Variants in TAFA4 observed in about 807,000 individuals in gnomAD.
TAFA4 encodes TAFA chemokine like family member 4.
A neutral mutation model predicts 21.1 loss-of-function variants in TAFA4; 20 were observed. The observed-to-expected ratio is 0.95, with a 90% CI of 0.67 to 1.38. TAFA4 has a LOEUF of 1.38. Ranked by LOEUF, TAFA4 falls within the 40% of genes most tolerant of loss-of-function variation. The pLI is 0.00. For synonymous variants in TAFA4, 71 were observed against 67.4 expected (o/e 1.05, Z -0.26); for missense variants, 211 against 180.9 (o/e 1.17, Z -0.95).
At chr3:68,770,348 G>A (rs1702930099) in intron 3 of TAFA4, among the ~76,000 whole-genome samples, 1 of 152,230 alleles carries the variant, frequency 6.6e-6, no homozygotes, top group Non-Finnish European at 1.5e-5. Context: ...ACAGGTTGAT[G>A]ATAGCATGTT....
chr3:68,866,283 T>C (rs762090221), intron 3 of TAFA4, among the ~76,000 whole-genome samples: 4 of 152,002 alleles, frequency 2.6e-5, no homozygotes, highest in African/African-American at 4.8e-5. Context: ...GATATTCCCA[T>C]TGGGACCCAC....
chr3:68,911,931 C>A (rs578004795), intron 1 of TAFA4, among the ~76,000 whole-genome samples: 1 of 152,186 alleles, frequency 6.6e-6, no homozygotes, highest in Non-Finnish European at 1.5e-5. Flanking sequence ...TTTCAATTCT[C>A]CACACCTCAC....
At chr3:68,778,759 T>G (rs573097204) in intron 3 of TAFA4, among the ~76,000 whole-genome samples, 61 of 152,346 alleles carry the variant, frequency 4.0e-4, no homozygotes, top group Admixed American at 9.1e-4. Flanking sequence ...TTGAACCTCT[T>G]TCTTTTATAA....
intron 3 of TAFA4, among the ~76,000 whole-genome samples, chr3:68,870,131 T>C (rs139292224): frequency 6.6e-6 from 1 of 151,970 alleles, no homozygotes; most frequent in East Asian, 1.9e-4. Flanking sequence ...TACCTAGAAA[T>C]AAATTAAACC....
chr3:68,893,717 T>C (rs1260931047), intron 1 of TAFA4, among the ~76,000 whole-genome samples: 1 of 152,326 alleles, frequency 6.6e-6, no homozygotes, highest in Non-Finnish European at 1.5e-5. Flanking sequence ...ACAAAGCCCG[T>C]CGCAGACAAT....
chr3:68,853,787 CTG>C (rs1705002769), intron 3 of TAFA4, among the ~76,000 whole-genome samples: 1 of 152,154 alleles, frequency 6.6e-6, no homozygotes, highest in Non-Finnish European at 1.5e-5. Flanking sequence ...CACTTACTAT[CTG>C]TGTGACTTTT....
intron 4 of TAFA4, among the ~76,000 whole-genome samples, chr3:68,740,197 G>A (rs1702324373): frequency 6.6e-6 from 1 of 152,184 alleles, no homozygotes; most frequent in African/African-American, 2.4e-5. Context: ...ACGTGTGAAA[G>A]TCTTTGCTGA....
At chr3:68,739,810 A>G (rs543918190) in intron 4 of TAFA4, among the ~76,000 whole-genome samples, 14 of 152,224 alleles carry the variant, frequency 9.2e-5, no homozygotes, top group Non-Finnish European at 2.1e-4. Context: ...CTTATAAATG[A>G]GAGCTGAATA....
At chr3:68,886,698 A>G (rs1269614660) in intron 1 of TAFA4, among the ~76,000 whole-genome samples, 1 of 152,234 alleles carries the variant, frequency 6.6e-6, no homozygotes, top group African/African-American at 2.4e-5. Context: ...TAGGCTGAGC[A>G]GTAACTCATT....
At chr3:68,826,202 C>T (rs1036871026) in intron 3 of TAFA4, among the ~76,000 whole-genome samples, 2 of 152,208 alleles carry the variant, frequency 1.3e-5, no homozygotes, top group African/African-American at 4.8e-5. Context: ...ATTTGAGAAG[C>T]CACCTCTGCC....
chr3:68,921,177 A>G (rs1447652456), intron 1 of TAFA4, among the ~76,000 whole-genome samples: 1 of 152,096 alleles, frequency 6.6e-6, no homozygotes, highest in Non-Finnish European at 1.5e-5. Flanking sequence ...GCAAGAGGGG[A>G]TCACAGTTCC....
intron 4 of TAFA4, among the ~76,000 whole-genome samples, chr3:68,749,170 A>G (rs531090710): frequency 1.3e-5 from 2 of 152,330 alleles, no homozygotes; most frequent in Admixed American, 6.5e-5. Context: ...TCGTAAGTTA[A>G]TTATGATAAA....
At chr3:68,911,395 C>T (rs2089960420) in intron 1 of TAFA4, among the ~76,000 whole-genome samples, 1 of 152,198 alleles carries the variant, frequency 6.6e-6, no homozygotes, top group Non-Finnish European at 1.5e-5. Flanking sequence ...GGAAAAGACA[C>T]TAACAAAGAC....
At chr3:68,782,775 T>C (rs553239319) in intron 3 of TAFA4, among the ~76,000 whole-genome samples, 1 of 152,296 alleles carries the variant, frequency 6.6e-6, no homozygotes, top group East Asian at 1.9e-4. Context: ...GTTTAAAGCA[T>C]ATGAGATTTC....
chr3:68,864,849 GC>G (rs369479172), intron 3 of TAFA4, among the ~76,000 whole-genome samples: 23,325 of 151,940 alleles, frequency 0.15, 2,729 homozygotes, highest in African/African-American at 0.33. Context: ...GAACAATTAT[GC>G]AGAAAGAAAC....
chr3:68,764,420 T>C (rs953955520), intron 3 of TAFA4, among the ~76,000 whole-genome samples: 3 of 152,162 alleles, frequency 2.0e-5, no homozygotes, highest in Non-Finnish European at 4.4e-5. Context: ...GTCCAGACTG[T>C]GGTATTTGTA....
chr3:68,914,575 C>T (rs569395747), intron 1 of TAFA4, among the ~76,000 whole-genome samples: 3 of 152,230 alleles, frequency 2.0e-5, no homozygotes, highest in South Asian at 4.1e-4. Flanking sequence ...GTGATGCATT[C>T]GTGATGCACT....
chr3:68,761,414 A>T (rs1369429197), intron 3 of TAFA4, among the ~76,000 whole-genome samples: 1 of 152,220 alleles, frequency 6.6e-6, no homozygotes, highest in Non-Finnish European at 1.5e-5. Flanking sequence ...GAAAGGTGCA[A>T]TTTAAAATAG....
rs1285929580 is a variant in TAFA4, at chr3:68,732,295, G to C, written c.*847C>G. 2 of 152,348 alleles carry C rather than the reference G, an allele frequency of 1.3e-5. No individual in the cohort carries two copies. Among genetic ancestry groups the C allele is most frequent in the African/African-American group, 4.8e-5 (2 of 41,362 alleles). 9.4% of individuals were successfully genotyped at this position (152,348 alleles called of 1,614,324 possible). A position where few individuals can be genotyped will look rare whatever the true frequency, so the allele number is the denominator to read the frequency against. On this transcript the variant is annotated 3_prime_UTR_variant, in exon 6 of 6. Coordinates refer to ENST00000295569, the MANE Select transcript of TAFA4 (RefSeq NM_182522.5). ...GAGTTAAAATCTTTTCATATAATTG[G>C]CATAAATTTGATCTAAGAAATAACC...
Sources: gnomAD v4.1 joint callset for allele counts (sites outside exome capture counted in the v4.1 genomes callset) on GRCh38, gnomAD v4.1.1 for gene constraint, MANE v1.5 for transcripts, NCBI Gene and HGNC (gene_info 2026-07-23, HGNC 2026-07-21) for gene names.